MTMR1: variants seen among roughly 807,000 people sequenced by gnomAD.
The protein encoded by MTMR1 is myotubularin related protein 1, also known as phosphatidylinositol-3-phosphate phosphatase MTMR1.
MTMR1 carries 17 observed loss-of-function variants against 51.6 expected under a neutral mutation model. The observed-to-expected ratio is 0.33, with a 90% CI of 0.23 to 0.49. MTMR1 has a LOEUF of 0.49. Among genes scored for constraint, MTMR1 ranks in the 20% least tolerant of loss-of-function variants. The probability of loss-of-function intolerance (pLI) is 0.99; values close to 1 mark genes in which losing one functional copy is unlikely to be tolerated. For synonymous variants in MTMR1, 201 were observed against 205.6 expected (o/e 0.98, Z 0.19); for missense variants, 386 against 526.9 (o/e 0.73, Z 2.62).
At chrX:150,739,023 G>T (rs1175825045) in intron 12 of MTMR1, among the ~76,000 whole-genome samples, 3 of 112,297 alleles carry the variant, frequency 2.7e-5, no homozygotes, top group African/African-American at 9.7e-5. Context: ...TACTCCTGAA[G>T]TCCCCATTAG....
chrX:150,730,383 T>A (rs1557416946), intron 7 of MTMR1, 142 bp from the exon 8 acceptor site: 1 of 509,932 alleles, frequency 2.0e-6, no homozygotes, highest in East Asian at 3.9e-5. Flanking sequence ...TAAGAAAAGC[T>A]GCTACTTTGT....
At chrX:150,727,388 T>C in intron 5 of MTMR1, 79 bp downstream of exon 5, 2 of 810,753 alleles carry the variant, frequency 2.5e-6, no homozygotes, top group Non-Finnish European at 3.6e-6. Flanking sequence ...AAAAGTCCCC[T>C]GAAATCCCAT....
rs1557418256 is a variant in MTMR1, at chrX:150,763,779, A to G, written c.*1050A>G. 2 of 112,816 alleles carry G rather than the reference A, an allele frequency of 1.8e-5. No homozygotes were observed. The highest frequency in any genetic ancestry group is 6.4e-5 in the African/African-American group (2 of 31,088). The allele number at this position is 112,816 out of a possible 1,213,427, so 9.3% of individuals were successfully genotyped here. On this transcript the variant is annotated 3_prime_UTR_variant, in exon 16 of 16. Transcript: ENST00000445323. Reference sequence around the variant, plus strand: ...TTTGGTTTGGAAAAGCATAGCACGCACTTCCCTTGGTTTTCCCTTCCCAGA... The same window carrying G: ...TTTGGTTTGGAAAAGCATAGCACGCGCTTCCCTTGGTTTTCCCTTCCCAGA...
At chrX:150,739,789 T>C (rs2042374359) in intron 12 of MTMR1, among the ~76,000 whole-genome samples, 1 of 112,452 alleles carries the variant, frequency 8.9e-6, no homozygotes, top group Admixed American at 9.4e-5. Flanking sequence ...TTAATCCTGA[T>C]AGTACTCTCA....
At chrX:150,716,852 A>G (rs1603243754) in intron 3 of MTMR1, among the ~76,000 whole-genome samples, 2 of 112,783 alleles carry the variant, frequency 1.8e-5, no homozygotes, top group African/African-American at 6.4e-5. Context: ...ATAATTTAGA[A>G]TTATAAAAGA....
chrX:150,730,218 C>T lies in MTMR1; in HGVS notation c.657+8C>T. On this transcript the variant is annotated splice_region_variant and intron_variant, in intron 7 of 15. Transcript: ENST00000445323. ...CCTCTTTCTAACGGACAGGTAAATA[C>T]ACCAGAGTAAACCTTTTCTGCATGC... 5 of 1,131,726 alleles carry T rather than the reference C, an allele frequency of 4.4e-6. No homozygotes were observed. Among genetic ancestry groups the T allele is most frequent in the Non-Finnish European group, 6.0e-6 (5 of 834,402 alleles). The allele number at this position is 1,131,726 out of a possible 1,213,427, so 93.3% of individuals were successfully genotyped here.
intron 4 of MTMR1, among the ~76,000 whole-genome samples, chrX:150,726,147 C>CG (rs1420955581): frequency 3.6e-5 from 4 of 111,559 alleles, no homozygotes; most frequent in Admixed American, 9.5e-5. Context: ...CGTCTCCTGT[C>CG]GGATCAGCGG....
At position 150,760,080 on chromosome X, in the gene MTMR1, G is replaced by C. The variant is rs782148301; in HGVS notation, c.1858-2485G>C. Among the ~76,000 whole-genome samples the C allele has an allele frequency of 9.2e-5, 10 of 109,282 alleles. 1 individual carries two copies. Among genetic ancestry groups the C allele is most frequent in the Non-Finnish European group, 1.9e-4 (10 of 51,362 alleles). The allele number at this position is 109,282 out of a possible 115,157, so 94.9% of individuals were successfully genotyped here. A position where few individuals can be genotyped will look rare whatever the true frequency, so the allele number is the denominator to read the frequency against. The stretch of plus-strand genomic sequence containing the variant: ...GTGCTCGGAGGGTAGTAGGTGTGTG[G>C]TCCTGCTTTTTGCATTCTCCCTCCA... On this transcript the variant is annotated intron_variant, in intron 15 of 15. Coordinates refer to ENST00000445323, the MANE Select transcript of MTMR1 (RefSeq NM_001306144.3).
At chrX:150,712,633 A>G (rs2041352342) in intron 3 of MTMR1, 1 of 325,579 alleles carries the variant, frequency 3.1e-6, no homozygotes. Context: ...GTTGTACTAC[A>G]TGAATTATGA....
At position 150,763,141 on chromosome X, in the gene MTMR1, T is replaced by G. The variant is rs1207556333; in HGVS notation, c.*412T>G. 7.9e-6 allele frequency: 1 copy of G among 125,889 alleles called. No homozygotes were observed. Among genetic ancestry groups the G allele is most frequent in the Non-Finnish European group, 1.6e-5 (1 of 61,898 alleles). The allele number at this position is 125,889 out of a possible 1,213,427, so 10.4% of individuals were successfully genotyped here. A position where few individuals can be genotyped will look rare whatever the true frequency, so the allele number is the denominator to read the frequency against. ...TTGAAAACTGTCTTGAATGAAGTAC[T>G]TGGGGAGAAGACAGGCCACTGCCCT... On this transcript the variant is annotated 3_prime_UTR_variant, in exon 16 of 16. Coordinates refer to ENST00000445323, the MANE Select transcript of MTMR1 (RefSeq NM_001306144.3).
intron 15 of MTMR1, among the ~76,000 whole-genome samples, chrX:150,760,347 GGCAGATGCAA>G (rs1557417964): frequency 1.0e-5 from 1 of 98,886 alleles, no homozygotes; most frequent in African/African-American, 3.4e-5. Flanking sequence ...TAAACGACAG[GGCAGATGCAA>G]GCCTGTTGGG....
At position 150,750,712 on chromosome X, in the gene MTMR1, T is replaced by C; in HGVS notation, c.1567-18T>C. 1 of 1,099,567 alleles carries C rather than the reference T, an allele frequency of 9.1e-7. No individual in the cohort carries two copies. The highest frequency in any genetic ancestry group is 1.2e-6 in the Non-Finnish European group (1 of 801,386). 90.6% of individuals were successfully genotyped at this position (1,099,567 alleles called of 1,213,427 possible). A position where few individuals can be genotyped will look rare whatever the true frequency, so the allele number is the denominator to read the frequency against. ...AATTGGACTCTATGACTAAACCTTA[T>C]TTTTCTCTTCATTTAAGTTTCCTTC... On this transcript the variant is annotated intron_variant, in intron 13 of 15. Coordinates refer to ENST00000445323, the MANE Select transcript of MTMR1 (RefSeq NM_001306144.3).
chrX:150,693,345 C>T, upstream of MTMR1: 9 of 546,044 alleles, frequency 1.6e-5, no homozygotes, highest in Non-Finnish European at 2.0e-5. Flanking sequence ...CCCGCTCCCG[C>T]CCCCCGACCC....
intron 14 of MTMR1, among the ~76,000 whole-genome samples, chrX:150,753,674 T>G (rs192989772): frequency 7.5e-4 from 84 of 112,420 alleles, no homozygotes; most frequent in African/African-American, 2.6e-3. Context: ...TTGTCCTTTT[T>G]ATTATGGAGT....
At position 150,715,633 on chromosome X, in the gene MTMR1, C is replaced by A. The variant is rs782298011; in HGVS notation, c.277-2992C>A. Among the ~76,000 whole-genome samples the A allele has an allele frequency of 2.7e-5, 3 of 112,227 alleles. No individual in the cohort carries two copies. In the East Asian group the frequency reaches 8.4e-4, roughly 31 times the overall value. On this transcript the variant is annotated intron_variant, in intron 3 of 15. Transcript: ENST00000445323. ...TCATAAAGGGAATCTACTATACTCA[C>A]CAAAGCAAACAAAAAAACCTCCAAG...
chrX:150,721,228 A>T (rs2041735914), intron 4 of MTMR1, among the ~76,000 whole-genome samples: 1 of 112,058 alleles, frequency 8.9e-6, no homozygotes, highest in Admixed American at 9.5e-5. Flanking sequence ...TTACGTCAAT[A>T]TTCATTTATG....
intron 15 of MTMR1, among the ~76,000 whole-genome samples, chrX:150,757,305 G>T (rs144978924): frequency 0.016 from 1,844 of 112,615 alleles, 46 homozygotes; most frequent in African/African-American, 0.056. Context: ...CGCTGCCCCA[G>T]GCCGCTGCTT....
chrX:150,725,621 A>C (rs1477042676), intron 4 of MTMR1, among the ~76,000 whole-genome samples: 1 of 112,123 alleles, frequency 8.9e-6, no homozygotes, highest in African/African-American at 3.2e-5. Context: ...TGTACAGGAT[A>C]AGAACCTTAT....
chrX:150,711,929 G>T (rs2041325731), intron 2 of MTMR1, among the ~76,000 whole-genome samples: 1 of 110,447 alleles, frequency 9.1e-6, no homozygotes, highest in Admixed American at 9.6e-5. Context: ...TGTTTTCCTG[G>T]GCTGGTTTGG....
Sources: allele counts gnomAD v4.1 joint callset (sites outside exome capture counted in the v4.1 genomes callset), GRCh38; gene constraint gnomAD v4.1.1; transcripts MANE v1.5; gene names NCBI Gene and HGNC (gene_info 2026-07-23, HGNC 2026-07-21).